MTHFD2L: variants seen among roughly 807,000 people sequenced by gnomAD.
MTHFD2L encodes the protein methylenetetrahydrofolate dehydrogenase (NADP+ dependent) 2 like.
A neutral mutation model predicts 34.9 loss-of-function variants in MTHFD2L; 29 were observed. The ratio of observed to expected loss-of-function variants is 0.83; its 90% CI spans 0.62 to 1.13. MTHFD2L has a LOEUF of 1.13. MTHFD2L is among the 50% of genes most tolerant of loss of function. The pLI is 0.00. For synonymous variants in MTHFD2L, 167 were observed against 155.7 expected (o/e 1.07, Z -0.54); for missense variants, 481 against 446.5 (o/e 1.08, Z -0.70).
At position 74,255,436 on chromosome 4, in the gene MTHFD2L, A is replaced by G. The variant is rs1398670925; in HGVS notation, c.806-25989A>G. ...AGTCACAGAGGAAAATGGAGAAAGAAGAAAGGAACTAGAAAACAGTAAGAA... is the reference window on the plus strand; with the variant it reads ...AGTCACAGAGGAAAATGGAGAAAGAGGAAAGGAACTAGAAAACAGTAAGAA... On this transcript the variant is annotated intron_variant, in intron 6 of 7. Coordinates refer to ENST00000325278, the MANE Select transcript of MTHFD2L (RefSeq NM_001144978.3). Among the ~76,000 whole-genome samples the G allele has an allele frequency of 2.0e-5, 3 of 152,328 alleles. No individual in the cohort carries two copies. The East Asian group carries it at 5.8e-4, about 29-fold the overall frequency.
At chr4:74,152,580 C>T (rs1158981359) in intron 1 of MTHFD2L, among the ~76,000 whole-genome samples, 1 of 152,010 alleles carries the variant, frequency 6.6e-6, no homozygotes, top group East Asian at 1.9e-4. Flanking sequence ...TATAGGTATA[C>T]ATACACCATG....
intron 6 of MTHFD2L, among the ~76,000 whole-genome samples, chr4:74,251,147 G>C (rs1743249689): frequency 6.6e-6 from 1 of 152,174 alleles, no homozygotes; most frequent in African/African-American, 2.4e-5. Context: ...ACAATAAATA[G>C]TATGCTGGGT....
intron 7 of MTHFD2L, chr4:74,293,449 A>G (rs1030512244): frequency 2.7e-5 from 22 of 823,912 alleles, no homozygotes; most frequent in Middle Eastern, 6.1e-4. Flanking sequence ...TTTCTACCAC[A>G]TTAGGACAAT....
chr4:74,221,255 G>A (rs1738133331), intron 5 of MTHFD2L, among the ~76,000 whole-genome samples: 1 of 151,374 alleles, frequency 6.6e-6, no homozygotes, highest in African/African-American at 2.4e-5. Flanking sequence ...ATTTGCACAT[G>A]AGAAGAAAAT....
intron 1 of MTHFD2L, among the ~76,000 whole-genome samples, chr4:74,131,272 G>A (rs575553500): frequency 6.6e-6 from 1 of 152,180 alleles, no homozygotes; most frequent in Admixed American, 6.5e-5. Context: ...AGCCCATATA[G>A]CCCAGACAAT....
In MTHFD2L at chr4:74,285,488, C is replaced by T. The variant is rs1260270903; in HGVS notation, c.931+3938C>T. Reference sequence around the variant, plus strand: ...TCAATGTTTCCAAAATTTTAAATTGCATTCGTTTTTTTAAATATTAGTTTA... The same window carrying T: ...TCAATGTTTCCAAAATTTTAAATTGTATTCGTTTTTTTAAATATTAGTTTA... On this transcript the variant is annotated intron_variant, in intron 7 of 7. Transcript: ENST00000325278. Among the ~76,000 whole-genome samples the T allele has an allele frequency of 2.0e-5, 3 of 152,038 alleles. No individual in the cohort carries two copies. The East Asian group carries it at 5.8e-4, about 29-fold the overall frequency.
At chr4:74,158,683 C>A (rs1290630683) in intron 1 of MTHFD2L, among the ~76,000 whole-genome samples, 1 of 152,110 alleles carries the variant, frequency 6.6e-6, no homozygotes, top group African/African-American at 2.4e-5. Flanking sequence ...CTAATGTTTG[C>A]GTTTCTGAAT....
chr4:74,293,908 G>A (rs1011011009), intron 7 of MTHFD2L, among the ~76,000 whole-genome samples: 4 of 152,174 alleles, frequency 2.6e-5, no homozygotes, highest in Admixed American at 2.6e-4. Context: ...ATTTAATTTA[G>A]ACAATTACAT....
At chr4:74,190,489 C>A (rs1578409376) in intron 3 of MTHFD2L, 1 of 985,204 alleles carries the variant, frequency 1.0e-6, no homozygotes, top group Admixed American at 6.2e-5. Flanking sequence ...GGGTGGAGAA[C>A]CAGACCCACC....
intron 5 of MTHFD2L, among the ~76,000 whole-genome samples, chr4:74,223,457 A>G (rs9683884): frequency 1 from 151,847 of 152,066 alleles, 75,814 homozygotes; most frequent in Non-Finnish European, 1. Flanking sequence ...CAGACACTGA[A>G]GCTTACCGGT....
intron 5 of MTHFD2L, among the ~76,000 whole-genome samples, chr4:74,219,634 G>A (rs1737807926): frequency 6.6e-6 from 1 of 152,126 alleles, no homozygotes; most frequent in Admixed American, 6.6e-5. Context: ...CTAGGTGTCA[G>A]GACCAGGAAC....
intron 3 of MTHFD2L, among the ~76,000 whole-genome samples, chr4:74,185,257 A>C (rs940496203): frequency 6.6e-5 from 10 of 151,988 alleles, no homozygotes; most frequent in Admixed American, 5.2e-4. Context: ...AAAATGAAAG[A>C]GAAATTTGAA....
At chr4:74,200,318 AAAACAAAAC>A (rs777631466) in intron 4 of MTHFD2L, among the ~76,000 whole-genome samples, 11 of 152,080 alleles carry the variant, frequency 7.2e-5, no homozygotes, top group Admixed American at 1.3e-4. Flanking sequence ...TCTCAAAAAC[AAAACAAAAC>A]AAACAAAACA....
At chr4:74,134,577 C>A (rs930272870) in intron 1 of MTHFD2L, among the ~76,000 whole-genome samples, 1 of 152,070 alleles carries the variant, frequency 6.6e-6, no homozygotes, top group Non-Finnish European at 1.5e-5. Flanking sequence ...TGTATACCCA[C>A]AAGAAACAAC....
chr4:74,260,146 C>T (rs1744503235), intron 6 of MTHFD2L, among the ~76,000 whole-genome samples: 1 of 152,136 alleles, frequency 6.6e-6, no homozygotes, highest in Non-Finnish European at 1.5e-5. Flanking sequence ...GATTGTGGGG[C>T]CTCCTATAGC....
chr4:74,195,279 A>C (rs1180723058), intron 3 of MTHFD2L: 2 of 152,226 alleles, frequency 1.3e-5, no homozygotes, highest in Non-Finnish European at 2.9e-5. Context: ...ATAACATTGC[A>C]GGGTTTTGAG....
chr4:74,159,298 G>C (rs1382394199), intron 1 of MTHFD2L, among the ~76,000 whole-genome samples: 2 of 152,212 alleles, frequency 1.3e-5, no homozygotes, highest in Non-Finnish European at 2.9e-5. Flanking sequence ...CAGTGAATCA[G>C]AGTTGTGTAA....
chr4:74,115,346 G>C (rs1721639478), intron 2 of MTHFD2L, among the ~76,000 whole-genome samples: 1 of 152,156 alleles, frequency 6.6e-6, no homozygotes, highest in Non-Finnish European at 1.5e-5. Flanking sequence ...AGCTTTTTTA[G>C]TTATAGATCC....
chr4:74,173,693 T>C (rs1728463971), intron 1 of MTHFD2L, among the ~76,000 whole-genome samples: 1 of 152,218 alleles, frequency 6.6e-6, no homozygotes, highest in Admixed American at 6.5e-5. Context: ...GTCTTCAAGA[T>C]GGTTGCCAGT....
Sources: gnomAD v4.1 joint callset for allele counts (sites outside exome capture counted in the v4.1 genomes callset) on GRCh38, gnomAD v4.1.1 for gene constraint, MANE v1.5 for transcripts, NCBI Gene and HGNC (gene_info 2026-07-23, HGNC 2026-07-21) for gene names.